The following FBXL7 variants were observed in gnomAD, a reference collection of about 807,000 sequenced individuals.
The protein encoded by FBXL7 is F-box and leucine rich repeat protein 7.
FBXL7 carries 12 observed loss-of-function variants against 38.3 expected under a neutral mutation model. The observed-to-expected ratio is 0.31, with a 90% CI of 0.20 to 0.51. FBXL7 has a LOEUF of 0.51. Among genes scored for constraint, FBXL7 ranks in the 20% least tolerant of loss-of-function variants. FBXL7 has a pLI of 0.98. For synonymous variants in FBXL7, 297 were observed against 300.9 expected, an observed-to-expected ratio of 0.99 and a Z score of 0.13; for missense variants, 567 against 676.4, an observed-to-expected ratio of 0.84 and a Z score of 1.79.
At chr5:15,887,468 A>C (rs1740723813) in intron 2 of FBXL7, among the ~76,000 whole-genome samples, 1 of 152,242 alleles carries the variant, frequency 6.6e-6, no homozygotes, top group Admixed American at 6.5e-5. Context: ...TTGCACATAC[A>C]TAGGAATTGC....
intron 2 of FBXL7, among the ~76,000 whole-genome samples, chr5:15,707,131 T>A (rs1269740159): frequency 4.7e-5 from 7 of 149,032 alleles, no homozygotes; most frequent in Non-Finnish European, 1.0e-4. Flanking sequence ...AATATTTTGC[T>A]ACATTAAAAA....
intron 1 of FBXL7, among the ~76,000 whole-genome samples, chr5:15,612,953 T>C (rs1409513427): frequency 2.0e-5 from 3 of 152,240 alleles, no homozygotes; most frequent in African/African-American, 7.2e-5. Context: ...ATGCTGTTAA[T>C]TTGAATGTTA....
intron 2 of FBXL7, among the ~76,000 whole-genome samples, chr5:15,839,468 A>C (rs1738683278): frequency 6.6e-6 from 1 of 152,094 alleles, no homozygotes; most frequent in Non-Finnish European, 1.5e-5. Context: ...GATTGTCATT[A>C]CTAAATATTG....
chr5:15,673,832 C>T (rs549257569), intron 2 of FBXL7, among the ~76,000 whole-genome samples: 1 of 151,898 alleles, frequency 6.6e-6, no homozygotes, highest in Non-Finnish European at 1.5e-5. Flanking sequence ...GGGTCTTCTG[C>T]CATTTATGTT....
In FBXL7 at chr5:15,666,028, A is replaced by G. The variant is rs1742263387; in HGVS notation, c.127+49956A>G. Among the ~76,000 whole-genome samples, 2 of 152,166 alleles carry G rather than the reference A, an allele frequency of 1.3e-5. 1 individual carries two copies. Among genetic ancestry groups the G allele is most frequent in the South Asian group, 4.1e-4 (2 of 4,836 alleles). On this transcript the variant is annotated intron_variant, in intron 2 of 3. Coordinates refer to ENST00000504595, the MANE Select transcript of FBXL7 (RefSeq NM_012304.5). ...AGAGGATCCTAATCTGTCACTCAAC[A>G]GAGTTGCTGTCCCTTCCATTAGTCA...
intron 1 of FBXL7, among the ~76,000 whole-genome samples, chr5:15,539,425 G>GGCGACCACCGAGA (rs1737674932): frequency 6.6e-6 from 1 of 152,048 alleles, no homozygotes; most frequent in African/African-American, 2.4e-5. Flanking sequence ...ACTCTTAATG[G>GGCGACCACCGAGA]TCTACACTGT....
At chr5:15,726,410 C>G (rs1027641763) in intron 2 of FBXL7, among the ~76,000 whole-genome samples, 1 of 151,998 alleles carries the variant, frequency 6.6e-6, no homozygotes, top group Non-Finnish European at 1.5e-5. Flanking sequence ...TCCTGGGCAA[C>G]ATAGTGAGAC....
Position 15,791,071 on chromosome 5 carries a change from AGG to A in FBXL7, c.128-136808_128-136807del, listed in dbSNP as rs70938030. 5.0e-3 allele frequency among the ~76,000 whole-genome samples: 518 copies of A among 103,214 alleles called. 4 individuals carry two copies. Among genetic ancestry groups the A allele is most frequent in the Middle Eastern group, 0.014 (3 of 216 alleles). 67.7% of individuals were successfully genotyped at this position (103,214 alleles called of 152,430 possible). A position where few individuals can be genotyped will look rare whatever the true frequency, so the allele number is the denominator to read the frequency against. On this transcript the variant is annotated intron_variant, in intron 2 of 3. Transcript: ENST00000504595. ...TTGCTAGGTCAGTGAGTTGTGTAAAAGGGGGGGGGGGGTTATTGCATGTATCT... is the reference window on the plus strand; with the variant it reads ...TTGCTAGGTCAGTGAGTTGTGTAAAAGGGGGGGGGGTTATTGCATGTATCT...
chr5:15,817,359 C>G (rs1738046956), intron 2 of FBXL7, among the ~76,000 whole-genome samples: 1 of 151,820 alleles, frequency 6.6e-6, no homozygotes, highest in Admixed American at 6.6e-5. Flanking sequence ...CAATCCCTGA[C>G]TAGCTGATCA....
intron 1 of FBXL7, chr5:15,607,019 G>A (rs1384960250): frequency 1.3e-5 from 2 of 152,156 alleles, no homozygotes; most frequent in East Asian, 3.9e-4. Context: ...ATGCTGTAGG[G>A]ACAGACATTG....
intron 2 of FBXL7, among the ~76,000 whole-genome samples, chr5:15,628,991 A>T (rs1161238024): frequency 6.6e-6 from 1 of 152,060 alleles, no homozygotes; most frequent in Non-Finnish European, 1.5e-5. Flanking sequence ...TAGTAGAGAA[A>T]TATGGACCAA....
intron 2 of FBXL7, among the ~76,000 whole-genome samples, chr5:15,841,963 G>C (rs1386921767): frequency 1.3e-5 from 2 of 152,246 alleles, no homozygotes; most frequent in Non-Finnish European, 2.9e-5. Context: ...ACCTCTGCTA[G>C]GGCAGTGCAG....
At chr5:15,596,361 C>CT (rs1233548921) in intron 1 of FBXL7, among the ~76,000 whole-genome samples, 3 of 151,930 alleles carry the variant, frequency 2.0e-5, no homozygotes, top group Non-Finnish European at 4.4e-5. Context: ...TTCTTGTCTC[C>CT]TTTTTTTATA....
intron 2 of FBXL7, among the ~76,000 whole-genome samples, chr5:15,846,763 A>G (rs1426910915): frequency 6.6e-6 from 1 of 152,220 alleles, no homozygotes; most frequent in African/African-American, 2.4e-5. Context: ...TAACAGATGA[A>G]AAAAGAGAAG....
intron 2 of FBXL7, among the ~76,000 whole-genome samples, chr5:15,634,313 C>CTTTTTTTT (rs57823645): frequency 5.3e-5 from 6 of 112,268 alleles, no homozygotes; most frequent in African/African-American, 6.4e-5. Flanking sequence ...ATGTTCGTTT[C>CTTTTTTTT]TTTTTTTTTT....
At chr5:15,812,678 G>A (rs1422287556) in intron 2 of FBXL7, among the ~76,000 whole-genome samples, 1 of 152,068 alleles carries the variant, frequency 6.6e-6, no homozygotes, top group African/African-American at 2.4e-5. Context: ...AATGTCAGTG[G>A]TACCTTGATG....
chr5:15,911,457 G>C (rs1472734241), intron 2 of FBXL7, among the ~76,000 whole-genome samples: 1 of 140,016 alleles, frequency 7.1e-6, no homozygotes, highest in Admixed American at 6.7e-5. Flanking sequence ...CAACTTCTTT[G>C]CCTTTGGTTT....
At chr5:15,537,839 G>A (rs1320027631) in intron 1 of FBXL7, among the ~76,000 whole-genome samples, 3 of 152,206 alleles carry the variant, frequency 2.0e-5, no homozygotes, top group Non-Finnish European at 4.4e-5. Context: ...GTTCACCTGG[G>A]TTTGACCAGC....
At chr5:15,805,720 G>C (rs528317457) in intron 2 of FBXL7, among the ~76,000 whole-genome samples, 1 of 152,096 alleles carries the variant, frequency 6.6e-6, no homozygotes, top group East Asian at 1.9e-4. Context: ...AGAAAAAAAG[G>C]GTATATTTAA....
Sources: allele counts gnomAD v4.1 joint callset (sites outside exome capture counted in the v4.1 genomes callset), GRCh38; gene constraint gnomAD v4.1.1; transcripts MANE v1.5; gene names NCBI Gene and HGNC (gene_info 2026-07-23, HGNC 2026-07-21).